BMPER: variants seen among roughly 807,000 people sequenced by gnomAD.
BMPER encodes the protein BMP binding endothelial regulator.
Under a neutral mutation model 87.3 loss-of-function variants are expected in BMPER, and 45 were observed. The observed-to-expected ratio is 0.52, with a 90% confidence interval of 0.41 to 0.66. The LOEUF (loss-of-function observed/expected upper bound fraction) is 0.66, where lower values mean the gene tolerates loss of function less well. Ranked by LOEUF, BMPER falls within the 30% of genes least tolerant of loss-of-function variation. The pLI is 0.00. For missense variants in BMPER, 784 were observed against 867.5 expected, an observed-to-expected ratio of 0.90 and a Z score of 1.21; for synonymous variants, 326 against 316.2, an observed-to-expected ratio of 1.03 and a Z score of -0.33.
intron 6 of BMPER, among the ~76,000 whole-genome samples, chr7:34,028,099 T>C (rs1787405008): frequency 1.3e-5 from 2 of 152,116 alleles, no homozygotes; most frequent in Admixed American, 6.6e-5. Context: ...AAAATTGCTA[T>C]TAAAACCCTC....
intron 6 of BMPER, among the ~76,000 whole-genome samples, chr7:33,988,015 A>G (rs890990643): frequency 6.6e-5 from 10 of 152,224 alleles, no homozygotes; most frequent in Non-Finnish European, 1.3e-4. Context: ...TCATATTTTA[A>G]GAACTAACAT....
At chr7:34,082,475 C>T (rs1240931175) in intron 12 of BMPER, among the ~76,000 whole-genome samples, 2 of 152,010 alleles carry the variant, frequency 1.3e-5, no homozygotes, top group Non-Finnish European at 2.9e-5. Context: ...GTCATCCCTT[C>T]ACAATGCAAA....
intron 7 of BMPER, among the ~76,000 whole-genome samples, chr7:34,049,673 G>C (rs986461644): frequency 5.9e-5 from 9 of 152,060 alleles, no homozygotes; most frequent in Non-Finnish European, 1.2e-4. Context: ...TCTGCCTTTT[G>C]CCAACAAGGA....
At chr7:33,958,133 A>G (rs1785190116) in intron 3 of BMPER, among the ~76,000 whole-genome samples, 1 of 152,192 alleles carries the variant, frequency 6.6e-6, no homozygotes, top group African/African-American at 2.4e-5. Context: ...ACCCCAGACT[A>G]GAAACATGTT....
intron 6 of BMPER, among the ~76,000 whole-genome samples, chr7:33,987,675 C>G (rs1331593827): frequency 6.7e-6 from 1 of 148,164 alleles, no homozygotes; most frequent in Non-Finnish European, 1.5e-5. Context: ...AATCCTACTA[C>G]TTTTTTTTTT....
chr7:34,008,005 A>G (rs923530433), intron 6 of BMPER, among the ~76,000 whole-genome samples: 29 of 152,024 alleles, frequency 1.9e-4, no homozygotes, highest in African/African-American at 7.0e-4. Context: ...ATGGTGATAA[A>G]TATTAAGTTA....
chr7:34,044,798 T>C lies in BMPER; in HGVS notation c.577-1508T>C, dbSNP rs189978031. On this transcript the variant is annotated intron_variant, in intron 6 of 14. Coordinates refer to ENST00000649409, the MANE Select transcript of BMPER (RefSeq NM_001365308.1). ...AGAGGTGAAAAAAAATAGCAAATAT[T>C]TTAAAAGACATATAACATGCCCTCC... Among the ~76,000 whole-genome samples the C allele has an allele frequency of 1.4e-4, 21 of 152,194 alleles. No homozygotes were observed. In the East Asian group the frequency reaches 3.9e-3, roughly 28 times the overall value.
chr7:34,153,457 T>TA lies in BMPER; in HGVS notation c.*185dup. On this transcript the variant is annotated 3_prime_UTR_variant, in exon 15 of 15. Coordinates refer to ENST00000649409, the MANE Select transcript of BMPER (RefSeq NM_001365308.1). ...TCATTTATATGAACTATAGGGGGAT[T>TA]ATTATATGTATATTTTTTGCTATAA... The TA allele has an allele frequency of 1.6e-6, 1 of 631,776 alleles. No homozygotes were observed. The highest frequency in any genetic ancestry group is 3.0e-5 in the Admixed American group (1 of 33,522). 39.1% of individuals were successfully genotyped at this position (631,776 alleles called of 1,614,324 possible). A position where few individuals can be genotyped will look rare whatever the true frequency, so the allele number is the denominator to read the frequency against.
At chr7:34,059,228 G>A (rs1697213290) in intron 10 of BMPER, among the ~76,000 whole-genome samples, 1 of 152,154 alleles carries the variant, frequency 6.6e-6, no homozygotes, top group African/African-American at 2.4e-5. Flanking sequence ...TGCAGCACAT[G>A]TTAGTAATAA....
At chr7:34,152,474 C>T (rs1791202688) in intron 14 of BMPER, among the ~76,000 whole-genome samples, 3 of 152,178 alleles carry the variant, frequency 2.0e-5, no homozygotes, top group Admixed American at 2.0e-4. Context: ...AGTAAATTGG[C>T]TGTGACGTGG....
At chr7:33,952,043 A>G (rs1785040575) in intron 3 of BMPER, among the ~76,000 whole-genome samples, 1 of 152,210 alleles carries the variant, frequency 6.6e-6, no homozygotes, top group African/African-American at 2.4e-5. Flanking sequence ...GCTGTAGTAT[A>G]GTATAGTACT....
chr7:33,938,231 G>A (rs1289063063), intron 3 of BMPER, among the ~76,000 whole-genome samples: 2 of 152,168 alleles, frequency 1.3e-5, no homozygotes, highest in Non-Finnish European at 2.9e-5. Flanking sequence ...CCAGTGTTCA[G>A]GGTGTGGGCT....
intron 13 of BMPER, among the ~76,000 whole-genome samples, chr7:34,088,456 A>C (rs1442740143): frequency 6.6e-6 from 1 of 152,190 alleles, no homozygotes; most frequent in Admixed American, 6.5e-5. Context: ...GCAATGTGGA[A>C]AGATATTCTC....
chr7:33,973,518 A>G (rs893872753), intron 5 of BMPER, among the ~76,000 whole-genome samples: 1 of 152,226 alleles, frequency 6.6e-6, no homozygotes, highest in Non-Finnish European at 1.5e-5. Context: ...CATTTAACAA[A>G]GGGCTCTGTA....
At chr7:33,990,487 G>A (rs551726447) in intron 6 of BMPER, among the ~76,000 whole-genome samples, 10,193 of 146,066 alleles carry the variant, frequency 0.07, 485 homozygotes, top group South Asian at 0.18. Flanking sequence ...CTTTGCTGAA[G>A]TTGCTTATCA....
intron 6 of BMPER, among the ~76,000 whole-genome samples, chr7:33,991,453 G>C (rs1053813020): frequency 6.6e-6 from 1 of 151,948 alleles, no homozygotes; most frequent in Non-Finnish European, 1.5e-5. Flanking sequence ...CTGTGGGATC[G>C]GTGGTGATAT....
chr7:33,970,246 T>C, intron 4 of BMPER, 83 bp from the exon 5 acceptor site: 1 of 1,399,664 alleles, frequency 7.1e-7, no homozygotes, highest in Non-Finnish European at 1.0e-6. Flanking sequence ...GCTTGAGCAC[T>C]TCTCCTACTT....
chr7:33,985,194 T>C (rs538071468), intron 6 of BMPER, among the ~76,000 whole-genome samples: 1 of 152,350 alleles, frequency 6.6e-6, no homozygotes, highest in Middle Eastern at 3.4e-3. Context: ...AAAATAATTG[T>C]ACAACTCGAG....
intron 12 of BMPER, among the ~76,000 whole-genome samples, chr7:34,085,192 T>C (rs1269227976): frequency 6.6e-6 from 1 of 152,196 alleles, no homozygotes; most frequent in Non-Finnish European, 1.5e-5. Flanking sequence ...GGAGCAAATG[T>C]TTTCATTATA....
Sources: allele counts gnomAD v4.1 joint callset (sites outside exome capture counted in the v4.1 genomes callset), GRCh38; gene constraint gnomAD v4.1.1; transcripts MANE v1.5; gene names NCBI Gene and HGNC (gene_info 2026-07-23, HGNC 2026-07-21).